Variants in GPHN observed in about 807,000 individuals in gnomAD.
The protein encoded by GPHN is gephyrin.
A neutral mutation model predicts 95.5 loss-of-function variants in GPHN; 17 were observed. That is an observed-to-expected ratio of 0.18 (90% confidence interval 0.12 to 0.27). The LOEUF is 0.27. Ranked by LOEUF, GPHN falls within the 10% of genes least tolerant of loss-of-function variation. The pLI, the probability that GPHN is intolerant of heterozygous loss-of-function variation, is 1.00. For missense variants in GPHN, 660 were observed against 978.1 expected (o/e 0.67, Z 4.34); for synonymous variants, 320 against 322.5 (o/e 0.99, Z 0.08).
chr14:67,592,164 C>G, the GPHN span: 1 of 195,950 alleles, frequency 5.1e-6, no homozygotes, highest in Admixed American at 5.5e-5. Flanking sequence ...GCCAGGTATG[C>G]TGGCTCATGC....
intron 2 of GPHN, among the ~76,000 whole-genome samples, chr14:66,682,487 C>T (rs1429472332): frequency 6.6e-6 from 1 of 152,044 alleles, no homozygotes; most frequent in Non-Finnish European, 1.5e-5. Flanking sequence ...CGTGGTGGCT[C>T]ATGCCTGTAA....
At chr14:67,053,232 A>G (rs1262926950) in intron 10 of GPHN, among the ~76,000 whole-genome samples, 1 of 150,812 alleles carries the variant, frequency 6.6e-6, no homozygotes, top group Non-Finnish European at 1.5e-5. Flanking sequence ...TAGACTAATA[A>G]GGAAAGAGAG....
chr14:67,396,370 ACTC>A, the GPHN span, among the ~76,000 whole-genome samples: 1 of 150,028 alleles, frequency 6.7e-6, no homozygotes, highest in African/African-American at 2.5e-5. Context: ...CTGGTCTTGA[ACTC>A]CTGACCTCAG....
chr14:67,671,450 C>T, the GPHN span, among the ~76,000 whole-genome samples: 1 of 152,038 alleles, frequency 6.6e-6, no homozygotes, highest in African/African-American at 2.4e-5. Flanking sequence ...CACTTGAACC[C>T]AGGAGGTGGA....
chr14:66,580,802 A>G (rs1277209967), intron 1 of GPHN, among the ~76,000 whole-genome samples: 1 of 151,846 alleles, frequency 6.6e-6, no homozygotes, highest in Non-Finnish European at 1.5e-5. Context: ...TGATGAGAGA[A>G]AACTTCAAAC....
At chr14:67,714,466 C>T in the GPHN span, 1 of 152,250 alleles carries the variant, frequency 6.6e-6, no homozygotes, top group Admixed American at 6.5e-5. Context: ...AATATTTACT[C>T]ATAGTTTTAT....
the GPHN span, chr14:67,381,567 C>A: frequency 6.3e-7 from 1 of 1,585,576 alleles, no homozygotes; most frequent in South Asian, 1.1e-5. Context: ...CATTTTTTAT[C>A]AACTTTTGAA....
intron 2 of GPHN, among the ~76,000 whole-genome samples, chr14:66,711,097 G>A (rs911126958): frequency 1.3e-5 from 2 of 151,950 alleles, no homozygotes; most frequent in African/African-American, 2.4e-5. Context: ...GTTTGGTTAC[G>A]TGAGTAAGTT....
the GPHN span, chr14:67,383,285 C>T: frequency 8.1e-6 from 13 of 1,608,218 alleles, no homozygotes; most frequent in South Asian, 1.1e-5. Flanking sequence ...TTTACTACTT[C>T]AGTTTGAAAT....
At chr14:67,400,156 C>T in the GPHN span, among the ~76,000 whole-genome samples, 27 of 152,208 alleles carry the variant, frequency 1.8e-4, no homozygotes, top group African/African-American at 6.5e-4. Context: ...GTGCATATAA[C>T]TGAGCTTTGT....
At chr14:67,704,022 C>T in the GPHN span, among the ~76,000 whole-genome samples, 1 of 152,304 alleles carries the variant, frequency 6.6e-6, no homozygotes, top group Non-Finnish European at 1.5e-5. Context: ...AAATATTAAT[C>T]TCTCAGTTTA....
the GPHN span, among the ~76,000 whole-genome samples, chr14:67,215,972 T>C: frequency 6.6e-6 from 1 of 152,148 alleles, no homozygotes; most frequent in African/African-American, 2.4e-5. Flanking sequence ...TTTTAAAAAA[T>C]TGATGAAAAA....
intron 5 of GPHN, among the ~76,000 whole-genome samples, chr14:66,910,473 T>C (rs1192239158): frequency 6.6e-6 from 1 of 151,942 alleles, no homozygotes; most frequent in Non-Finnish European, 1.5e-5. Flanking sequence ...ACAAACACTA[T>C]GGAAAATTAC....
chr14:67,204,698 T>C, the GPHN span: 1 of 1,613,946 alleles, frequency 6.2e-7, no homozygotes, highest in Non-Finnish European at 8.5e-7. Context: ...ATCTCCCTCT[T>C]GAATCAGGAG....
chr14:66,830,964 T>G (rs755984595), intron 4 of GPHN, among the ~76,000 whole-genome samples: 21 of 152,128 alleles, frequency 1.4e-4, no homozygotes, highest in Non-Finnish European at 2.8e-4. Flanking sequence ...AAGACAGGTA[T>G]TATTTTATGT....
chr14:67,150,470 A>ACAAAACAAAACAAAAAT (rs1346963893), intron 18 of GPHN, among the ~76,000 whole-genome samples: 25 of 148,632 alleles, frequency 1.7e-4, no homozygotes, highest in Non-Finnish European at 3.0e-4. Flanking sequence ...AAAAAAAAAA[A>ACAAAACAAAACAAAAAT]AAACATTGTA....
chr14:66,533,001 A>G (rs2139969399), intron 1 of GPHN, among the ~76,000 whole-genome samples: 1 of 152,364 alleles, frequency 6.6e-6, no homozygotes, highest in East Asian at 1.9e-4. Context: ...GTTGGCAGGA[A>G]CAGGATCAGT....
At chr14:67,619,820 T>C in the GPHN span, 2 of 562,754 alleles carry the variant, frequency 3.6e-6, no homozygotes, top group South Asian at 2.1e-5. Flanking sequence ...TGCCGGGGGC[T>C]GGTTGGAGGC....
At chr14:67,037,917 A>G (rs1026372735) in intron 10 of GPHN, among the ~76,000 whole-genome samples, 2 of 152,052 alleles carry the variant, frequency 1.3e-5, no homozygotes, top group East Asian at 1.9e-4. Context: ...AATTAAAAAT[A>G]GAACTTTCAT....
Sources: gnomAD v4.1 joint callset for allele counts (sites outside exome capture counted in the v4.1 genomes callset) on GRCh38, gnomAD v4.1.1 for gene constraint, MANE v1.5 for transcripts, NCBI Gene and HGNC (gene_info 2026-07-23, HGNC 2026-07-21) for gene names.